The following ERG variants were observed in gnomAD, a reference collection of about 807,000 sequenced individuals.
ERG encodes the protein ETS transcription factor ERG.
ERG carries 9 observed loss-of-function variants against 55.3 expected under a neutral mutation model. The ratio of observed to expected loss-of-function variants is 0.16; its 90% CI spans 0.10 to 0.28. ERG has a LOEUF of 0.28. Among genes scored for constraint, ERG ranks in the 10% least tolerant of loss-of-function variants. The probability of loss-of-function intolerance (pLI) is 1.00; values close to 1 mark genes in which losing one functional copy is unlikely to be tolerated. For missense variants in ERG, 434 were observed against 631.6 expected (o/e 0.69, Z 3.35); for synonymous variants, 223 against 237.3 (o/e 0.94, Z 0.55).
At position 38,582,769 on chromosome 21, in the gene ERG, C is replaced by T. The variant is rs150792593; in HGVS notation, c.-127+2075G>A. Among the ~76,000 whole-genome samples, 732 of 151,216 alleles carry T rather than the reference C, an allele frequency of 4.8e-3. 4 individuals are homozygous for T. The highest frequency in any genetic ancestry group is 0.016 in the African/African-American group (677 of 41,208). ...TGTTGCAACTTTTTTTTTTTTGAGA[C>T]GGAGTCTTGCTCTGTCGCCCAGGCT... On this transcript the variant is annotated intron_variant, in intron 1 of 8. Transcript: ENST00000398897.
chr21:38,405,846 A>G (rs1467019169), intron 3 of ERG, among the ~76,000 whole-genome samples: 1 of 152,046 alleles, frequency 6.6e-6, no homozygotes, highest in Non-Finnish European at 1.5e-5. Flanking sequence ...AAACACCCAC[A>G]TTCTCACTTA....
intron 2 of ERG, among the ~76,000 whole-genome samples, chr21:38,511,392 T>A (rs2059510453): frequency 6.6e-6 from 1 of 152,210 alleles, no homozygotes; most frequent in African/African-American, 2.4e-5. Context: ...CATTGATTGA[T>A]GTTTAATACC....
intron 2 of ERG, among the ~76,000 whole-genome samples, chr21:38,518,394 T>C (rs187388802): frequency 6.6e-6 from 1 of 152,080 alleles, no homozygotes; most frequent in African/African-American, 2.4e-5. Context: ...TAGGTCAGAA[T>C]AGTGTTCATG....
Position 38,460,813 on chromosome 21 carries a change from G to A in ERG, c.19-15192C>T, listed in dbSNP as rs367727937. 4.6e-5 allele frequency among the ~76,000 whole-genome samples: 7 copies of A among 152,222 alleles called. No homozygotes were observed. Among genetic ancestry groups the A allele is most frequent in the African/African-American group, 1.4e-4 (6 of 41,456 alleles). On this transcript the variant is annotated intron_variant, in intron 1 of 9. Transcript: ENST00000288319. This position sits in a 1 kb window ranked among gnomAD's most constrained non-coding sequence, Gnocchi z 5.0. ...GTGGACCGGTGATGGGTGTGAGGCT[G>A]TAGGTTTTAACGAGCTCTGAATGGC...
At chr21:38,639,882 A>G (rs997696374) in intron 1 of ERG, among the ~76,000 whole-genome samples, 1 of 152,228 alleles carries the variant, frequency 6.6e-6, no homozygotes, top group Non-Finnish European at 1.5e-5. Flanking sequence ...GGGACCCAGC[A>G]TGAAAACCAA....
At chr21:38,637,422 T>C (rs1481726972) in intron 1 of ERG, among the ~76,000 whole-genome samples, 1 of 152,202 alleles carries the variant, frequency 6.6e-6, no homozygotes, top group African/African-American at 2.4e-5. Context: ...TTTTGGAAGC[T>C]ATTGTGGTGA....
chr21:38,470,631 T>C (rs555454854), intron 1 of ERG: 4 of 152,352 alleles, frequency 2.6e-5, no homozygotes, highest in Non-Finnish European at 4.4e-5. Context: ...TTTTCTTCCA[T>C]ATTTACATTT....
chr21:38,589,464 G>A (rs991520485), upstream of ERG, among the ~76,000 whole-genome samples: 13 of 152,156 alleles, frequency 8.5e-5, no homozygotes, highest in African/African-American at 3.1e-4. Context: ...CATGACCCAC[G>A]GAGGATGACC....
At chr21:38,612,463 A>G (rs2060233462) in intron 1 of ERG, among the ~76,000 whole-genome samples, 1 of 152,154 alleles carries the variant, frequency 6.6e-6, no homozygotes, top group Admixed American at 6.5e-5. Context: ...AAAGGCTGAA[A>G]TTATGTGTGA....
chr21:38,555,326 CA>C (rs11443169), intron 2 of ERG, among the ~76,000 whole-genome samples: 130 of 138,390 alleles, frequency 9.4e-4, no homozygotes, highest in African/African-American at 3.1e-3. Context: ...GACTCTGTCT[CA>C]AAAAAAAAAA....
At chr21:38,587,599 A>G (rs1229352195), upstream of ERG, among the ~76,000 whole-genome samples, 2 of 151,892 alleles carry the variant, frequency 1.3e-5, no homozygotes, top group African/African-American at 2.4e-5. Context: ...CTCGTGATCC[A>G]CCCGCCTCGG....
Position 38,493,110 on chromosome 21 carries a change from G to A in ERG, c.18+5253C>T, listed in dbSNP as rs556492963. 4.6e-5 allele frequency among the ~76,000 whole-genome samples: 7 copies of A among 152,214 alleles called. No individual in the cohort carries two copies. In the South Asian group the frequency reaches 1.4e-3, roughly 32 times the overall value. On this transcript the variant is annotated intron_variant, in intron 1 of 9. Coordinates refer to ENST00000288319, the MANE Select transcript of ERG (RefSeq NM_182918.4). The stretch of plus-strand genomic sequence containing the variant: ...TTGGCAAATATTTAAATTTGGCAAA[G>A]ACTTAAAAAATATATATACCCATTG...
chr21:38,459,638 C>A (rs1225133247), intron 1 of ERG, among the ~76,000 whole-genome samples: 1 of 152,152 alleles, frequency 6.6e-6, no homozygotes, highest in South Asian at 2.1e-4. Context: ...GCTAGAGATA[C>A]CTTTATTCAG....
At chr21:38,385,702 T>C (rs921136198) in intron 9 of ERG, among the ~76,000 whole-genome samples, 1 of 152,236 alleles carries the variant, frequency 6.6e-6, no homozygotes, top group Admixed American at 6.5e-5. Context: ...CAGAACCACA[T>C]ATACAAACTG....
At chr21:38,625,761 C>A (rs540680889) in intron 1 of ERG, among the ~76,000 whole-genome samples, 12 of 152,152 alleles carry the variant, frequency 7.9e-5, no homozygotes, top group Middle Eastern at 3.4e-3. Context: ...GGATACAACA[C>A]CAGCTTTTTT....
chr21:38,552,210 A>C (rs561691088), intron 2 of ERG, among the ~76,000 whole-genome samples: 1 of 152,286 alleles, frequency 6.6e-6, no homozygotes, highest in African/African-American at 2.4e-5. Flanking sequence ...CAACCAGAAA[A>C]AGCCCTAGAC....
rs1277898839 is a variant in ERG, at chr21:38,444,101, C to T, written c.236+1303G>A. On this transcript the variant is annotated intron_variant, in intron 2 of 9. Coordinates refer to ENST00000288319, the MANE Select transcript of ERG (RefSeq NM_182918.4). ...CACTGTGACTTGGCACCTTCATTAACACCACACTAGGAATTGACGCAACCG... is the reference window on the plus strand; with the variant it reads ...CACTGTGACTTGGCACCTTCATTAATACCACACTAGGAATTGACGCAACCG... 2.0e-5 allele frequency among the ~76,000 whole-genome samples: 3 copies of T among 152,346 alleles called. No individual in the cohort carries two copies. The East Asian group carries it at 5.8e-4, about 29-fold the overall frequency.
At chr21:38,510,496 C>T (rs953978295) in intron 2 of ERG, among the ~76,000 whole-genome samples, 2 of 152,208 alleles carry the variant, frequency 1.3e-5, no homozygotes, top group African/African-American at 4.8e-5. Flanking sequence ...ACCCTTAACT[C>T]AAGAGGTTTT....
At chr21:38,550,776 A>G (rs987593197) in intron 2 of ERG, among the ~76,000 whole-genome samples, 6 of 152,206 alleles carry the variant, frequency 3.9e-5, no homozygotes, top group African/African-American at 1.4e-4. Context: ...TATAACTACA[A>G]CCAGCCAGAG....
Sources: allele counts gnomAD v4.1 joint callset (sites outside exome capture counted in the v4.1 genomes callset), GRCh38; gene constraint gnomAD v4.1.1; non-coding constraint Gnocchi (gnomAD v3.1); transcripts MANE v1.5; gene names NCBI Gene and HGNC (gene_info 2026-07-23, HGNC 2026-07-21).